Variants in SORCS2 observed in about 807,000 individuals in gnomAD.
SORCS2 encodes the protein VPS10 domain-containing receptor SorCS2.
Under a neutral mutation model 141.6 loss-of-function variants are expected in SORCS2, and 100 were observed. The observed-to-expected ratio is 0.71, with a 90% CI of 0.60 to 0.83. The LOEUF is 0.83. Among genes scored for constraint, SORCS2 ranks in the 40% least tolerant of loss-of-function variants. SORCS2 has a pLI of 0.00. For synonymous variants in SORCS2, 789 were observed against 676.9 expected (o/e 1.17, Z -2.57); for missense variants, 1,646 against 1,560.2 (o/e 1.05, Z -0.93).
At chr4:7,739,649 T>C (rs2148908595) in intron 26 of SORCS2, among the ~76,000 whole-genome samples, 1 of 152,238 alleles carries the variant, frequency 6.6e-6, no homozygotes, top group Admixed American at 6.5e-5. Context: ...GTGTCTGGGC[T>C]GTGCCGCGGG....
At chr4:7,432,599 C>T (rs1726950026) in intron 2 of SORCS2, 1 of 152,116 alleles carries the variant, frequency 6.6e-6, no homozygotes, top group South Asian at 2.1e-4. Flanking sequence ...TTTGAGCACA[C>T]CCCAAGACTT....
chr4:7,284,233 T>A (rs1716069221), intron 1 of SORCS2, among the ~76,000 whole-genome samples: 1 of 152,136 alleles, frequency 6.6e-6, no homozygotes, highest in South Asian at 2.1e-4. Context: ...GATGTACAAT[T>A]TCCCCATCCA....
chr4:7,595,182 T>A (rs1717180064), intron 3 of SORCS2, among the ~76,000 whole-genome samples: 1 of 152,164 alleles, frequency 6.6e-6, no homozygotes. Context: ...AGCAGTTTCC[T>A]TGCTATTACC....
intron 3 of SORCS2, among the ~76,000 whole-genome samples, chr4:7,597,211 A>G (rs1717328779): frequency 6.6e-6 from 1 of 151,002 alleles, no homozygotes; most frequent in Admixed American, 6.6e-5. Flanking sequence ...GGGCTATTGC[A>G]ATAGGGAAGG....
At chr4:7,528,401 C>CA (rs1733831305) in intron 2 of SORCS2, among the ~76,000 whole-genome samples, 1 of 100,810 alleles carries the variant, frequency 9.9e-6, no homozygotes, top group East Asian at 1.0e-3. Flanking sequence ...GCAGCTGCTA[C>CA]GTTTTTTTTT....
At chr4:7,486,177 A>G (rs1178734487) in intron 2 of SORCS2, among the ~76,000 whole-genome samples, 3 of 90,426 alleles carry the variant, frequency 3.3e-5, no homozygotes, top group Non-Finnish European at 7.3e-5. Flanking sequence ...GGCCTCTCCC[A>G]TAGGTTCTTC....
At position 7,193,696 on chromosome 4, in the gene SORCS2, A is replaced by C. The variant is rs1197904528; in HGVS notation, c.480+570A>C. Among the ~76,000 whole-genome samples, 1 of 151,908 alleles carries C rather than the reference A, an allele frequency of 6.6e-6. No homozygotes were observed. Among genetic ancestry groups the C allele is most frequent in the Non-Finnish European group, 1.5e-5 (1 of 67,966 alleles). ...TCTAGTGCGACCCGCGGCTGTCTTG[A>C]GCTCTTGCTGCCGGTCGCCCCGCCT... On this transcript the variant is annotated intron_variant, in intron 1 of 26. Coordinates refer to ENST00000507866, the MANE Select transcript of SORCS2 (RefSeq NM_020777.3). The surrounding 1 kb of genome is among the most constrained non-coding windows in gnomAD (Gnocchi z 4.8).
At chr4:7,670,875 A>G (rs1287279516) in intron 8 of SORCS2, among the ~76,000 whole-genome samples, 1 of 152,206 alleles carries the variant, frequency 6.6e-6, no homozygotes, top group Non-Finnish European at 1.5e-5. Context: ...TGCTCTGATT[A>G]CTGACTGCTT....
chr4:7,638,469 C>G lies in SORCS2; in HGVS notation c.790C>G (p.Leu264Val). ...IFHPKEEDKV[L>V]AYTKESKLYV... is the part of the protein sequence containing the mutation. Reference sequence around the variant, plus strand: ...CCACCCTAAGGAGGAGGACAAGGTCCTCGCCTACACAAAGGAGAGCAAGGT... The same window carrying G: ...CCACCCTAAGGAGGAGGACAAGGTCGTCGCCTACACAAAGGAGAGCAAGGT... The change falls in exon 4 of 27, where the codon CTC (leucine) becomes GTC (valine). Residue 264 changes from leucine (L) to valine (V), a missense_variant. Coordinates refer to ENST00000507866, the MANE Select transcript of SORCS2 (RefSeq NM_020777.3). 1 of 1,609,690 alleles carries G rather than the reference C, an allele frequency of 6.2e-7. No individual in the cohort carries two copies. Among genetic ancestry groups the G allele is most frequent in the South Asian group, 1.1e-5 (1 of 90,794 alleles).
At chr4:7,327,474 G>A (rs563578414) in intron 1 of SORCS2, among the ~76,000 whole-genome samples, 14 of 152,336 alleles carry the variant, frequency 9.2e-5, no homozygotes, top group African/African-American at 3.4e-4. Flanking sequence ...CATCTGCAAA[G>A]ACCCCATTTC....
intron 2 of SORCS2, among the ~76,000 whole-genome samples, chr4:7,445,539 C>T (rs1052593463): frequency 1.3e-5 from 2 of 152,038 alleles, no homozygotes; most frequent in Admixed American, 6.5e-5. Flanking sequence ...GGAGCGGGGC[C>T]GAGGGGAAGC....
intron 2 of SORCS2, among the ~76,000 whole-genome samples, chr4:7,399,501 C>G (rs28612998): frequency 6.6e-6 from 1 of 152,180 alleles, no homozygotes; most frequent in Admixed American, 6.5e-5. Context: ...GCGGCACCCC[C>G]TCCTGGCTTC....
chr4:7,616,394 A>G (rs1329900302), intron 3 of SORCS2, among the ~76,000 whole-genome samples: 1 of 152,000 alleles, frequency 6.6e-6, no homozygotes, highest in East Asian at 1.9e-4. Context: ...CCACTCATCC[A>G]TAATCCATCT....
intron 2 of SORCS2, among the ~76,000 whole-genome samples, chr4:7,410,546 G>A (rs77576804): frequency 7.2e-5 from 11 of 152,278 alleles, no homozygotes; most frequent in Non-Finnish European, 1.5e-4. Context: ...CAGACAATGC[G>A]TGTAAAATGC....
At chr4:7,346,002 C>T (rs1720637171) in intron 1 of SORCS2, among the ~76,000 whole-genome samples, 1 of 152,230 alleles carries the variant, frequency 6.6e-6, no homozygotes, top group Non-Finnish European at 1.5e-5. Flanking sequence ...TCTCAAAGAA[C>T]CAACTCTTGG....
At chr4:7,220,966 C>T (rs1406105505) in intron 1 of SORCS2, among the ~76,000 whole-genome samples, 1 of 152,106 alleles carries the variant, frequency 6.6e-6, no homozygotes, top group Non-Finnish European at 1.5e-5. Flanking sequence ...AAAGTAATGC[C>T]CCAGTGGTTT....
At chr4:7,341,291 C>G (rs1720352072) in intron 1 of SORCS2, among the ~76,000 whole-genome samples, 1 of 152,204 alleles carries the variant, frequency 6.6e-6, no homozygotes, top group South Asian at 2.1e-4. Flanking sequence ...GCTGTTCTTT[C>G]TCTCTTGGGT....
intron 3 of SORCS2, among the ~76,000 whole-genome samples, chr4:7,577,521 GT>G (rs1715831399): frequency 6.6e-6 from 1 of 150,878 alleles, no homozygotes; most frequent in Non-Finnish European, 1.5e-5. Context: ...GTTTGGAGAA[GT>G]TATATAGCAT....
At chr4:7,528,364 G>A (rs1459232406) in intron 2 of SORCS2, among the ~76,000 whole-genome samples, 1 of 151,268 alleles carries the variant, frequency 6.6e-6, no homozygotes, top group Non-Finnish European at 1.5e-5. Flanking sequence ...TGCATTGTCT[G>A]CAGGGTGAGG....
Sources: gnomAD v4.1 joint callset for allele counts (sites outside exome capture counted in the v4.1 genomes callset) on GRCh38, gnomAD v4.1.1 for gene constraint, Gnocchi (gnomAD v3.1) non-coding constraint, MANE v1.5 for transcripts, NCBI Gene and HGNC (gene_info 2026-07-23, HGNC 2026-07-21) for gene names.